Variants in ABTB3 observed in about 807,000 individuals in gnomAD.
The protein encoded by ABTB3 is ankyrin repeat and BTB domain containing 3.
At chr12:107,337,344 C>T in the ABTB3 span, among the ~76,000 whole-genome samples, 7 of 152,318 alleles carry the variant, frequency 4.6e-5, no homozygotes, top group East Asian at 1.9e-4. Context: ...TCAGCTGGAT[C>T]GGGATCTCAG....
the ABTB3 span, among the ~76,000 whole-genome samples, chr12:107,646,237 AC>A: frequency 6.6e-6 from 1 of 152,032 alleles, no homozygotes; most frequent in African/African-American, 2.4e-5. Context: ...CGTTTGTTTC[AC>A]CCCCTTGCAG....
the ABTB3 span, among the ~76,000 whole-genome samples, chr12:107,628,136 T>G: frequency 6.6e-6 from 1 of 152,066 alleles, no homozygotes; most frequent in Non-Finnish European, 1.5e-5. Context: ...GAGGTGGGTC[T>G]TTTTTTGGGG....
At chr12:107,640,584 G>A in the ABTB3 span, among the ~76,000 whole-genome samples, 1 of 152,118 alleles carries the variant, frequency 6.6e-6, no homozygotes, top group Non-Finnish European at 1.5e-5. Context: ...TAGAACAAGG[G>A]GCCCTCTCCT....
chr12:107,537,595 C>A, the ABTB3 span, among the ~76,000 whole-genome samples: 1 of 152,148 alleles, frequency 6.6e-6, no homozygotes, highest in African/African-American at 2.4e-5. Context: ...GGCTTTTCCT[C>A]CACCCTCCCT....
chr12:107,420,996 C>T, the ABTB3 span, among the ~76,000 whole-genome samples: 1 of 152,192 alleles, frequency 6.6e-6, no homozygotes, highest in Non-Finnish European at 1.5e-5. Context: ...CTTCTACCAA[C>T]TTTCTAAGCT....
the ABTB3 span, among the ~76,000 whole-genome samples, chr12:107,569,398 G>T: frequency 6.6e-6 from 1 of 152,118 alleles, no homozygotes; most frequent in Admixed American, 6.5e-5. Flanking sequence ...TCTTGGTTGG[G>T]TTAACTATGG....
chr12:107,623,881 G>A, the ABTB3 span, among the ~76,000 whole-genome samples: 2 of 152,188 alleles, frequency 1.3e-5, no homozygotes, highest in Non-Finnish European at 2.9e-5. Flanking sequence ...TATGGTCTCT[G>A]GGGGTGGGGC....
chr12:107,349,796 G>C, the ABTB3 span, among the ~76,000 whole-genome samples: 1 of 152,120 alleles, frequency 6.6e-6, no homozygotes, highest in Admixed American at 6.5e-5. Flanking sequence ...CTCTACCCAG[G>C]GATAAGGATT....
At chr12:107,626,408 C>T in the ABTB3 span, among the ~76,000 whole-genome samples, 4 of 136,670 alleles carry the variant, frequency 2.9e-5, no homozygotes, top group African/African-American at 8.4e-5. Context: ...TGTAGTGGTG[C>T]GATCTCGGCT....
the ABTB3 span, among the ~76,000 whole-genome samples, chr12:107,515,786 C>T: frequency 6.6e-6 from 1 of 152,074 alleles, no homozygotes; most frequent in South Asian, 2.1e-4. Flanking sequence ...CTGAGGGTTC[C>T]TAAAGTACAG....
chr12:107,477,057 G>C, the ABTB3 span, among the ~76,000 whole-genome samples: 3 of 152,160 alleles, frequency 2.0e-5, no homozygotes, highest in Non-Finnish European at 4.4e-5. Context: ...CTGGTGCTCT[G>C]TGCTGGCTCC....
At chr12:107,470,553 C>T in the ABTB3 span, among the ~76,000 whole-genome samples, 1 of 152,222 alleles carries the variant, frequency 6.6e-6, no homozygotes, top group Non-Finnish European at 1.5e-5. Flanking sequence ...ACGGTGTGGG[C>T]AGTGCAGCCA....
At chr12:107,424,574 C>T in the ABTB3 span, among the ~76,000 whole-genome samples, 38 of 152,300 alleles carry the variant, frequency 2.5e-4, no homozygotes, top group Admixed American at 1.8e-3. Context: ...GCTTTGAATG[C>T]GTGGCTCCAT....
At chr12:107,645,991 G>C in the ABTB3 span, among the ~76,000 whole-genome samples, 1 of 152,232 alleles carries the variant, frequency 6.6e-6, no homozygotes, top group African/African-American at 2.4e-5. Context: ...AGGCTCCCAG[G>C]GGCCGGCTTA....
chr12:107,324,053 T>C, the ABTB3 span, among the ~76,000 whole-genome samples: 4 of 152,190 alleles, frequency 2.6e-5, no homozygotes, highest in African/African-American at 9.7e-5. Flanking sequence ...TCCTCAGCTG[T>C]AAAACAGAGG....
At chr12:107,349,349 C>T in the ABTB3 span, among the ~76,000 whole-genome samples, 1 of 152,202 alleles carries the variant, frequency 6.6e-6, no homozygotes, top group Non-Finnish European at 1.5e-5. Context: ...TGAGCAATTT[C>T]ACTAATAAGG....
chr12:107,495,702 G>A, the ABTB3 span, among the ~76,000 whole-genome samples: 1 of 152,158 alleles, frequency 6.6e-6, no homozygotes, highest in East Asian at 1.9e-4. Flanking sequence ...GCCTCTTGGG[G>A]TATGGTGAGG....
chr12:107,551,175 G>T, the ABTB3 span, among the ~76,000 whole-genome samples: 1 of 152,146 alleles, frequency 6.6e-6, no homozygotes, highest in Non-Finnish European at 1.5e-5. Context: ...ATCACATCTG[G>T]CTCATTTTGC....
At chr12:107,615,090 C>T in the ABTB3 span, 19 of 1,613,742 alleles carry the variant, frequency 1.2e-5, no homozygotes, top group South Asian at 5.5e-5. Context: ...AATATCCATC[C>T]GTCCACCCCG....
Sources: allele counts gnomAD v4.1 joint callset (sites outside exome capture counted in the v4.1 genomes callset), GRCh38; gene constraint gnomAD v4.1.1; transcripts MANE v1.5; gene names NCBI Gene and HGNC (gene_info 2026-07-23, HGNC 2026-07-21).